FAT2: variants seen among roughly 807,000 people sequenced by gnomAD.
FAT2 encodes the protein protocadherin Fat 2.
Under a neutral mutation model 295.3 loss-of-function variants are expected in FAT2, and 150 were observed. The observed-to-expected ratio is 0.51, with a 90% CI of 0.44 to 0.58. The LOEUF is 0.58. Among genes scored for constraint, FAT2 ranks in the 20% least tolerant of loss-of-function variants. The pLI is 0.00. For synonymous variants in FAT2, 2,026 were observed against 2,150.3 expected, an observed-to-expected ratio of 0.94 and a Z score of 1.60; for missense variants, 4,868 against 5,442.7, an observed-to-expected ratio of 0.89 and a Z score of 3.32.
At chr5:151,540,406 T>C (rs902567973) in intron 11 of FAT2, among the ~76,000 whole-genome samples, 161 bp downstream of exon 11, 1 of 149,684 alleles carries the variant, frequency 6.7e-6, no homozygotes, top group African/African-American at 2.5e-5. Flanking sequence ...TGCCCCTCAC[T>C]CTCTGTTCTC....
chr5:151,543,777 G>A lies in FAT2; in HGVS notation c.7350C>T (p.Tyr2450=), dbSNP rs143552122. 136 of 1,614,062 alleles carry A rather than the reference G, an allele frequency of 8.4e-5. No homozygotes were observed. The African/African-American group carries it at 1.5e-3, about 18-fold the overall frequency. Residue 2450 remains tyrosine, a synonymous_variant, in exon 10 of 24, where the codon TAC becomes TAT. Coordinates refer to ENST00000261800, the MANE Select transcript of FAT2 (RefSeq NM_001447.3). The part of the protein sequence containing the change: ...NLCKKHLDSS[Y]NLRVGASDGV... The stretch of plus-strand genomic sequence containing the variant: ...CATCAGAAGCACCTACCCTCAAATT[G>A]TAAGAAGAGTCCAGGTGCTTTTTGC...
rs544244536 is a variant in FAT2 at position 151,523,465 on chromosome 5, C to A, written c.10507-1379G>T. On this transcript the variant is annotated intron_variant, in intron 18 of 23. Coordinates refer to ENST00000261800, the MANE Select transcript of FAT2 (RefSeq NM_001447.3). ...GTGAAGTAACTTGCCCAAGGTCATA[C>A]AGCAGCAGATAAGGCCTGAGCAGAA... Among the ~76,000 whole-genome samples the A allele has an allele frequency of 4.6e-5, 7 of 152,326 alleles. No homozygotes were observed. The East Asian group carries it at 1.3e-3, about 29-fold the overall frequency.
chr5:151,580,270 A>G (rs1345122948), intron 1 of FAT2, among the ~76,000 whole-genome samples: 1 of 152,180 alleles, frequency 6.6e-6, no homozygotes, highest in Non-Finnish European at 1.5e-5. Context: ...GGGAGAAAGA[A>G]CTGGTTTCAG....
rs199540723 is a variant in FAT2, at chr5:151,505,752, G to A, written c.12863C>T (p.Pro4288Leu). ...HSQFRQGGGG[P>L]CLADGGYKGV... ...CTTGTAGCCCCCGTCTGCCAGGCAGGGCCCTCCCCCTCCCTGCCGGAACTG... is the reference window on the plus strand; with the variant it reads ...CTTGTAGCCCCCGTCTGCCAGGCAGAGCCCTCCCCCTCCCTGCCGGAACTG... The change falls in exon 24 of 24, where the codon CCC becomes CTC. Residue 4288 changes from proline (P) to leucine (L), a missense_variant. Coordinates refer to ENST00000261800, the MANE Select transcript of FAT2 (RefSeq NM_001447.3). The A allele has an allele frequency of 1.2e-6, 2 of 1,613,840 alleles. No individual in the cohort carries two copies. Among genetic ancestry groups the A allele is most frequent in the South Asian group, 1.1e-5 (1 of 91,068 alleles).
In FAT2 at chr5:151,549,378, G is replaced by A. The variant is rs2127619226; in HGVS notation, c.4706C>T (p.Ala1569Val). 2 of 1,614,064 alleles carry A rather than the reference G, an allele frequency of 1.2e-6. No homozygotes were observed. The highest frequency in any genetic ancestry group is 1.7e-6 in the Non-Finnish European group (2 of 1,180,018). The stretch of plus-strand genomic sequence containing the variant: ...GACCTGCAGCAGCTCTGTGCCGGGG[G>A]CTATGGTGTCAGGAACACTTGCCTC... ...HYEASVPDTI[A>V]PGTELLQVRA... Residue 1569 changes from alanine to valine, a missense_variant, in exon 9 of 24, where the codon GCC becomes GTC. By Grantham distance (64) the Ala-to-Val change is moderately conservative (BLOSUM62 0). Coordinates refer to ENST00000261800, the MANE Select transcript of FAT2 (RefSeq NM_001447.3).
chr5:151,589,713 T>C (rs1366366540), intron 1 of FAT2, among the ~76,000 whole-genome samples: 1 of 151,934 alleles, frequency 6.6e-6, no homozygotes, highest in African/African-American at 2.4e-5. Context: ...CTGAGCAACA[T>C]AGTGAGACCC....
chr5:151,584,297 G>C (rs753444691), intron 1 of FAT2, among the ~76,000 whole-genome samples: 1 of 152,018 alleles, frequency 6.6e-6, no homozygotes, highest in Non-Finnish European at 1.5e-5. Context: ...ACAGAACCGC[G>C]AGGACAATGG....
At position 151,554,373 on chromosome 5, in the gene FAT2, T is replaced by G. The variant is rs1420004954; in HGVS notation, c.3934A>C (p.Asn1312His). 6.2e-7 allele frequency: 1 copy of G among 1,613,838 alleles called. No individual in the cohort carries two copies. Among genetic ancestry groups the G allele is most frequent in the Non-Finnish European group, 8.5e-7 (1 of 1,179,880 alleles). The change falls in exon 5 of 24, where the codon AAC (asparagine) becomes CAC (histidine). Residue 1312 changes from asparagine (N) to histidine (H), a missense_variant. Asn to His is a moderately conservative substitution (Grantham distance 68, BLOSUM62 1). Coordinates refer to ENST00000261800, the MANE Select transcript of FAT2 (RefSeq NM_001447.3). ...SSSTFTAGEY[N>H]ILTIKATDSG... Reference sequence around the variant, plus strand: ...TTCTGTCTGCTCACCGTTAGGATGTTGTACTCTCCAGCTGTAAAAGTGCTG... The same window carrying G: ...TTCTGTCTGCTCACCGTTAGGATGTGGTACTCTCCAGCTGTAAAAGTGCTG...
intron 13 of FAT2, among the ~76,000 whole-genome samples, chr5:151,532,384 TACAAACACAC>T (rs1561836222): frequency 1.4e-5 from 1 of 72,396 alleles, no homozygotes; most frequent in Non-Finnish European, 2.5e-5. Context: ...AGTGTGCGTG[TACAAACACAC>T]ACACACACAC....
rs2127645012 is a variant in FAT2 at position 151,565,990 on chromosome 5, A to C, written c.2942T>G (p.Leu981Arg). The C allele has an allele frequency of 6.2e-7, 1 of 1,614,068 alleles. No individual in the cohort carries two copies. Among genetic ancestry groups the C allele is most frequent in the Non-Finnish European group, 8.5e-7 (1 of 1,180,020 alleles). ...AAAGTCCAGCTCTCTCTCCAGAATG[A>C]GCGCCCCTGTCATCAGGTCCACCCG... is the stretch of plus-strand genomic sequence containing the variant. ...TFRVDLMTGA[L>R]ILERELDFER... Residue 981 changes from leucine to arginine, a missense_variant, in exon 2 of 24, where the codon CTC becomes CGC. By Grantham distance (102) the Leu-to-Arg change is moderately radical (BLOSUM62 -2). This residue lies in a region of FAT2 where 3,297 missense variants were observed against 3,669.4 expected (regional missense o/e 0.90). Transcript: ENST00000261800.
At chr5:151,572,529 T>C (rs1360885270) in intron 1 of FAT2, among the ~76,000 whole-genome samples, 1 of 152,240 alleles carries the variant, frequency 6.6e-6, no homozygotes, top group Non-Finnish European at 1.5e-5. Flanking sequence ...TACCACTTGC[T>C]ACCTGTTCAA....
At chr5:151,510,208 C>G (rs1297922301) in intron 21 of FAT2, 34 bp from the exon 22 acceptor site, 1 of 1,611,686 alleles carries the variant, frequency 6.2e-7, no homozygotes. Flanking sequence ...AGAGACCGCA[C>G]TGGCCTAGCA....
chr5:151,518,376 T>TAA (rs1753101467), intron 19 of FAT2, among the ~76,000 whole-genome samples: 1 of 149,860 alleles, frequency 6.7e-6, no homozygotes, highest in African/African-American at 2.4e-5. Flanking sequence ...ATAATAATAA[T>TAA]TTTTAAAAGA....
At chr5:151,509,440 C>T (rs569273046) in intron 22 of FAT2, 40 of 152,886 alleles carry the variant, frequency 2.6e-4, no homozygotes, top group African/African-American at 9.4e-4. Flanking sequence ...TGTTAGGAGC[C>T]GAGCTGCACA....
In FAT2 at chr5:151,531,648, C is replaced by A. The variant is rs778751292; in HGVS notation, c.9750G>T (p.Lys3250Asn). The A allele has an allele frequency of 6.2e-7, 1 of 1,613,770 alleles. No individual in the cohort carries two copies. Among genetic ancestry groups the A allele is most frequent in the Non-Finnish European group, 8.5e-7 (1 of 1,179,950 alleles). The change falls in exon 14 of 24, where the codon AAG becomes AAT. Residue 3250 changes from lysine (K) to asparagine (N), a missense_variant. By Grantham distance (94) the Lys-to-Asn change is moderately conservative. Coordinates refer to ENST00000261800, the MANE Select transcript of FAT2 (RefSeq NM_001447.3). The surrounding 1 kb of genome is among the most constrained non-coding windows in gnomAD (Gnocchi z 5.7). ...TCCCGCTGACCACGCGGTAGCCGGT[C>A]TTCTCTGCGCCCGGGCGAGTGAGGG... ...LATLTRPGAE[K>N]TGYRVVSGNE...
rs1380469184 is a variant in FAT2 at position 151,566,959 on chromosome 5, A to G, written c.1973T>C (p.Val658Ala). ...YASPTTLNIT[V>A]VKDPHFEVPV... ...AACTTCAAAATGAGGGTCCTTCACC[A>G]CAGTAATATTCAAAGTTGTGGGTGA... is the stretch of plus-strand genomic sequence containing the variant. The change falls in exon 2 of 24, where the codon GTG (valine) becomes GCG (alanine). Residue 658 changes from valine (V) to alanine (A), a missense_variant. Val to Ala is a moderately conservative substitution (Grantham distance 64). Around this residue, in one of 5 missense-constraint regions of FAT2, gnomAD observed 3,297 missense variants for 3,669.4 expected, o/e 0.90. Coordinates refer to ENST00000261800, the MANE Select transcript of FAT2 (RefSeq NM_001447.3). The G allele has an allele frequency of 1.9e-6, 3 of 1,614,030 alleles. No individual in the cohort carries two copies. Among genetic ancestry groups the G allele is most frequent in the Admixed American group, 1.7e-5 (1 of 60,004 alleles).
intron 12 of FAT2, among the ~76,000 whole-genome samples, chr5:151,537,294 G>C (rs1209643783): frequency 6.8e-6 from 1 of 146,422 alleles, no homozygotes; most frequent in African/African-American, 2.5e-5. Context: ...GGAGGAGGAG[G>C]AGGGAGAGAG....
Position 151,531,551 on chromosome 5 carries a change from C to A in FAT2, c.9811+36G>T, listed in dbSNP as rs780294959. ...ACCCAGCGCTCCCAGAAACCCTGTA[C>A]GCGATGCTTTGGGGCTTGGTGGATC... On this transcript the variant is annotated intron_variant, in intron 14 of 23. Transcript: ENST00000261800. The surrounding 1 kb of genome is among the most constrained non-coding windows in gnomAD (Gnocchi z 5.7). The A allele has an allele frequency of 2.5e-6, 4 of 1,609,484 alleles. No homozygotes were observed. In the South Asian group the frequency reaches 4.4e-5, roughly 18 times the overall value.
At chr5:151,513,290 A>G (rs1752502977) in intron 20 of FAT2, among the ~76,000 whole-genome samples, 3 of 152,142 alleles carry the variant, frequency 2.0e-5, no homozygotes, top group Non-Finnish European at 4.4e-5. Flanking sequence ...AAAGACATAC[A>G]CTCATATGTT....
Sources: allele counts gnomAD v4.1 joint callset (sites outside exome capture counted in the v4.1 genomes callset), GRCh38; gene constraint gnomAD v4.1.1; regional missense constraint gnomAD v4.1.1; non-coding constraint Gnocchi (gnomAD v3.1); transcripts MANE v1.5; gene names NCBI Gene and HGNC (gene_info 2026-07-23, HGNC 2026-07-21).